The following ASIC2 variants were observed in gnomAD, a reference collection of about 807,000 sequenced individuals.
ASIC2 encodes the protein acid sensing ion channel subunit 2.
A neutral mutation model predicts 57.3 loss-of-function variants in ASIC2; 25 were observed. The ratio of observed to expected loss-of-function variants is 0.44; its 90% CI spans 0.32 to 0.61. The LOEUF (loss-of-function observed/expected upper bound fraction) is 0.61, where lower values mean the gene tolerates loss of function less well. Ranked by LOEUF, ASIC2 falls within the 20% of genes least tolerant of loss-of-function variation. The pLI, the probability that ASIC2 is intolerant of heterozygous loss-of-function variation, is 0.06. For missense variants in ASIC2, 641 were observed against 738.1 expected, an observed-to-expected ratio of 0.87 and a Z score of 1.52; for synonymous variants, 319 against 307.5, an observed-to-expected ratio of 1.04 and a Z score of -0.39.
At chr17:33,143,302 C>G (rs1567760990) in intron 1 of ASIC2, among the ~76,000 whole-genome samples, 1 of 152,116 alleles carries the variant, frequency 6.6e-6, no homozygotes, top group African/African-American at 2.4e-5. Context: ...CTTTTGCATT[C>G]TAGGGAGCTA....
chr17:34,040,744 A>G (rs1908100071), intron 1 of ASIC2, among the ~76,000 whole-genome samples: 1 of 152,042 alleles, frequency 6.6e-6, no homozygotes, highest in Non-Finnish European at 1.5e-5. Context: ...CCCCAGCCTC[A>G]CCTCTCACAT....
intron 1 of ASIC2, among the ~76,000 whole-genome samples, chr17:33,193,187 C>G (rs113540796): frequency 6.6e-6 from 1 of 152,192 alleles, no homozygotes; most frequent in Non-Finnish European, 1.5e-5. Flanking sequence ...AACTTAGAAG[C>G]CTTTGTTAAC....
At chr17:33,979,500 G>A (rs1905530864) in intron 1 of ASIC2, among the ~76,000 whole-genome samples, 1 of 152,036 alleles carries the variant, frequency 6.6e-6, no homozygotes, top group African/African-American at 2.4e-5. Context: ...TCACCCCCAG[G>A]AATCCACACT....
chr17:33,175,522 A>T (rs933991911), intron 1 of ASIC2, among the ~76,000 whole-genome samples: 4 of 108,158 alleles, frequency 3.7e-5, no homozygotes, highest in African/African-American at 1.2e-4. Context: ...TAAGAAAAAT[A>T]CCCTACTTTT....
At chr17:33,070,863 T>C (rs188020680) in intron 3 of ASIC2, among the ~76,000 whole-genome samples, 1 of 152,136 alleles carries the variant, frequency 6.6e-6, no homozygotes, top group Non-Finnish European at 1.5e-5. Context: ...TTTGGAGGCA[T>C]TTTTACTAGA....
chr17:33,823,747 C>T (rs1053372791), intron 1 of ASIC2, among the ~76,000 whole-genome samples: 3 of 152,180 alleles, frequency 2.0e-5, no homozygotes, highest in African/African-American at 7.2e-5. Flanking sequence ...TCTGGGTACT[C>T]CATACACTGT....
intron 1 of ASIC2, among the ~76,000 whole-genome samples, chr17:34,030,903 C>G (rs1308596987): frequency 2.0e-5 from 3 of 152,248 alleles, no homozygotes; most frequent in African/African-American, 7.2e-5. Flanking sequence ...CTCAAGGAGG[C>G]CTGCCTGCCT....
intron 1 of ASIC2, among the ~76,000 whole-genome samples, chr17:33,437,849 T>C (rs1168755169): frequency 6.6e-6 from 1 of 152,168 alleles, no homozygotes; most frequent in East Asian, 1.9e-4. Context: ...GGATCAAGCT[T>C]TGGATATCAT....
Position 33,641,943 on chromosome 17 carries a change from T to G in ASIC2, c.555+514035A>C, listed in dbSNP as rs139073254. ...AGTGAGATATAAAAAGATCATACAT[T>G]TCTTTTTCTTAATTTTCCTATTTTT... On this transcript the variant is annotated intron_variant, in intron 1 of 9. Transcript: ENST00000359872. Among the ~76,000 whole-genome samples the G allele has an allele frequency of 2.6e-3, 397 of 152,286 alleles. 3 individuals are homozygous for G. The highest frequency in any genetic ancestry group is 2.7e-3 in the Non-Finnish European group (181 of 68,028).
chr17:33,905,029 A>T lies in ASIC2; in HGVS notation c.555+250949T>A, dbSNP rs955746893. On this transcript the variant is annotated intron_variant, in intron 1 of 9. Coordinates refer to the ASIC2 transcript ENST00000359872. Reference sequence around the variant, plus strand: ...GAGAGGGGAATCGCCTCAAATGTGCACAGGCTTGGTATTCCATCATTGGTC... The same window carrying T: ...GAGAGGGGAATCGCCTCAAATGTGCTCAGGCTTGGTATTCCATCATTGGTC... Among the ~76,000 whole-genome samples the T allele has an allele frequency of 2.0e-5, 3 of 152,094 alleles. No homozygotes were observed. In the South Asian group the frequency reaches 6.2e-4, roughly 32 times the overall value.
chr17:33,067,498 C>CT (rs1405094386), intron 3 of ASIC2, among the ~76,000 whole-genome samples: 1 of 152,190 alleles, frequency 6.6e-6, no homozygotes, highest in Non-Finnish European at 1.5e-5. Flanking sequence ...ATCTGCAGGG[C>CT]ACACTGAGTA....
At chr17:34,021,804 C>CT (rs373098984) in intron 1 of ASIC2, among the ~76,000 whole-genome samples, 5 of 140,150 alleles carry the variant, frequency 3.6e-5, no homozygotes, top group Admixed American at 2.8e-4. Context: ...GAGCCAGGGG[C>CT]TTTTTTTTGT....
chr17:33,830,029 T>G (rs1409278319), intron 1 of ASIC2, among the ~76,000 whole-genome samples: 1 of 152,196 alleles, frequency 6.6e-6, no homozygotes, highest in Non-Finnish European at 1.5e-5. Context: ...CTTGCATGTG[T>G]TCAACAAAGA....
chr17:33,293,420 A>G (rs1905593286), upstream of ASIC2, among the ~76,000 whole-genome samples: 1 of 148,428 alleles, frequency 6.7e-6, no homozygotes, highest in South Asian at 2.3e-4. Context: ...CCGAGCGGGA[A>G]GCCTCTTGCT....
At chr17:33,063,737 T>C (rs192155861) in intron 3 of ASIC2, among the ~76,000 whole-genome samples, 1 of 152,366 alleles carries the variant, frequency 6.6e-6, no homozygotes, top group Non-Finnish European at 1.5e-5. Context: ...ATATCCTGGA[T>C]AATATCCTGC....
At chr17:33,519,161 G>A (rs1914667018) in intron 1 of ASIC2, among the ~76,000 whole-genome samples, 1 of 152,226 alleles carries the variant, frequency 6.6e-6, no homozygotes, top group African/African-American at 2.4e-5. Context: ...TTACAGAGGA[G>A]GCAGCCACAG....
Position 33,363,226 on chromosome 17 carries a change from A to T in ASIC2, c.556-251159T>A, listed in dbSNP as rs376394483. ...AGAAACTCTTCAAATGTCTCAATTG[A>T]CTCACCCACAGAACCAGGGGCAGGG... On this transcript the variant is annotated intron_variant, in intron 1 of 9. Transcript: ENST00000359872. Among the ~76,000 whole-genome samples, 95 of 152,220 alleles carry T rather than the reference A, an allele frequency of 6.2e-4. 1 individual carries two copies. The highest frequency in any genetic ancestry group is 2.1e-3 in the African/African-American group (88 of 41,536).
At chr17:33,505,198 G>A (rs1050895117) in intron 1 of ASIC2, among the ~76,000 whole-genome samples, 3 of 152,080 alleles carry the variant, frequency 2.0e-5, no homozygotes, top group African/African-American at 7.2e-5. Flanking sequence ...CACCAGAGGG[G>A]CACAGCACTG....
intron 1 of ASIC2, chr17:33,955,117 AT>A (rs1396087207): frequency 6.6e-6 from 1 of 152,176 alleles, no homozygotes. Flanking sequence ...AAGCTTAGAG[AT>A]ATTGATGACT....
Sources: allele counts gnomAD v4.1 joint callset (sites outside exome capture counted in the v4.1 genomes callset), GRCh38; gene constraint gnomAD v4.1.1; transcripts MANE v1.5; gene names NCBI Gene and HGNC (gene_info 2026-07-23, HGNC 2026-07-21).